TMCC3: variants seen among roughly 807,000 people sequenced by gnomAD.
TMCC3 encodes transmembrane and coiled-coil domain protein 3.
A neutral mutation model predicts 40.2 loss-of-function variants in TMCC3; 28 were observed. The ratio of observed to expected loss-of-function variants is 0.70; its 90% CI spans 0.52 to 0.95. The LOEUF (loss-of-function observed/expected upper bound fraction) is 0.95. Ranked by LOEUF, TMCC3 falls within the 40% of genes least tolerant of loss-of-function variation. TMCC3 has a pLI of 0.00. For synonymous variants in TMCC3, 255 were observed against 248.5 expected (o/e 1.03, Z -0.25); for missense variants, 554 against 615.2 (o/e 0.90, Z 1.05).
chr12:94,590,790 G>A (rs1221769299), intron 1 of TMCC3: 9 of 427,842 alleles, frequency 2.1e-5, no homozygotes, highest in Non-Finnish European at 4.1e-5. Flanking sequence ...GTGTTCTCAG[G>A]AGAGGCGGGA....
intron 1 of TMCC3, among the ~76,000 whole-genome samples, chr12:94,619,696 T>C (rs1344847311): frequency 5.9e-5 from 9 of 152,192 alleles, no homozygotes; most frequent in Non-Finnish European, 1.5e-5. Flanking sequence ...TATCTAAATA[T>C]GGTTATAGAG....
chr12:94,575,404 T>G (rs544950204), intron 3 of TMCC3, among the ~76,000 whole-genome samples: 104 of 152,264 alleles, frequency 6.8e-4, no homozygotes, highest in African/African-American at 2.4e-3. Flanking sequence ...CCTTTTGAGG[T>G]AGAGCTCATT....
At chr12:94,650,280 C>T in intron 1 of TMCC3, 73 bp downstream of exon 1, 1 of 1,027,932 alleles carries the variant, frequency 9.7e-7, no homozygotes, top group Non-Finnish European at 1.2e-6. Context: ...TGGGTTAGCA[C>T]TGAGCCGCCG....
rs1052276941 is a variant in TMCC3, at chr12:94,569,180, G to A, written c.*2255C>T. ...CTAACAGCAGCACTCAATCCCTGGT[G>A]TGTCCGAAGTGGTGCTTGGAAAGAT... On this transcript the variant is annotated 3_prime_UTR_variant, in exon 4 of 4. Transcript: ENST00000261226. The A allele has an allele frequency of 6.6e-6, 1 of 152,284 alleles. No individual in the cohort carries two copies. The highest frequency in any genetic ancestry group is 1.5e-5 in the Non-Finnish European group (1 of 68,100). The allele number at this position is 152,284 out of a possible 1,614,324, so 9.4% of individuals were successfully genotyped here.
chr12:94,599,098 G>T (rs1225527599), intron 1 of TMCC3, among the ~76,000 whole-genome samples: 1 of 152,192 alleles, frequency 6.6e-6, no homozygotes, highest in Non-Finnish European at 1.5e-5. Context: ...GTTCAGCACT[G>T]CCATGTGAAT....
At chr12:94,611,598 C>T (rs2068816123) in intron 1 of TMCC3, among the ~76,000 whole-genome samples, 1 of 152,090 alleles carries the variant, frequency 6.6e-6, no homozygotes, top group Non-Finnish European at 1.5e-5. Flanking sequence ...TCTAGGACCT[C>T]CTGCAGATAC....
At chr12:94,602,030 T>C (rs1390132644) in intron 1 of TMCC3, among the ~76,000 whole-genome samples, 1 of 152,194 alleles carries the variant, frequency 6.6e-6, no homozygotes, top group Non-Finnish European at 1.5e-5. Flanking sequence ...ATTTATTTCA[T>C]GACCATAATC....
In TMCC3 at chr12:94,621,138, G is replaced by A. The variant is rs556330048; in HGVS notation, c.78+29215C>T. On this transcript the variant is annotated intron_variant, in intron 1 of 3. Transcript: ENST00000261226. ...CCTAAAGTAACCATGCTTAGAAAACGCTGTGTTATCCAAAAGAAACACAGC... is the reference window on the plus strand; with the variant it reads ...CCTAAAGTAACCATGCTTAGAAAACACTGTGTTATCCAAAAGAAACACAGC... 7.9e-5 allele frequency among the ~76,000 whole-genome samples: 12 copies of A among 152,302 alleles called. No homozygotes were observed. In the East Asian group the frequency reaches 2.1e-3, roughly 27 times the overall value.
intron 1 of TMCC3, among the ~76,000 whole-genome samples, chr12:94,639,623 G>C (rs151220325): frequency 2.1e-3 from 309 of 146,872 alleles, no homozygotes; most frequent in African/African-American, 7.6e-3. Flanking sequence ...TACCTCATTT[G>C]GTATACAAGG....
intron 1 of TMCC3, among the ~76,000 whole-genome samples, chr12:94,625,010 C>G (rs2068895867): frequency 6.6e-6 from 1 of 151,554 alleles, no homozygotes; most frequent in African/African-American, 2.4e-5. Flanking sequence ...GGTGTGGTGA[C>G]ACACCCCTCC....
rs1277202697 is a variant in TMCC3 at position 94,642,725 on chromosome 12, T to C, written c.78+7628A>G. 2.6e-5 allele frequency among the ~76,000 whole-genome samples: 4 copies of C among 152,196 alleles called. No individual in the cohort carries two copies. The South Asian group carries it at 8.3e-4, about 31-fold the overall frequency. Reference sequence around the variant, plus strand: ...ACAGCTACACCACTGTTACATACTGTTATTATTCTTCCTCTCCCATCTGAA... The same window carrying C: ...ACAGCTACACCACTGTTACATACTGCTATTATTCTTCCTCTCCCATCTGAA... On this transcript the variant is annotated intron_variant, in intron 1 of 3. Coordinates refer to ENST00000261226, the MANE Select transcript of TMCC3 (RefSeq NM_020698.4).
rs142413791 is a variant in TMCC3 at position 94,619,098 on chromosome 12, C to G, written c.78+31255G>C. The stretch of plus-strand genomic sequence containing the variant: ...TGAGACGTAATCCTTTCCCTTTAAA[C>G]ATGACTTTGACATATGCATTACACA... On this transcript the variant is annotated intron_variant, in intron 1 of 3. Transcript: ENST00000261226. Among the ~76,000 whole-genome samples the G allele has an allele frequency of 2.0e-4, 30 of 152,292 alleles. No homozygotes were observed. In the East Asian group the frequency reaches 5.8e-3, roughly 29 times the overall value.
At chr12:94,592,367 C>A (rs1003177554) in intron 1 of TMCC3, among the ~76,000 whole-genome samples, 1 of 151,952 alleles carries the variant, frequency 6.6e-6, no homozygotes, top group African/African-American at 2.4e-5. Flanking sequence ...CGGCCGGGCG[C>A]AGTGGCTCAC....
intron 3 of TMCC3, among the ~76,000 whole-genome samples, chr12:94,576,589 C>A (rs766891182): frequency 4.6e-5 from 7 of 152,248 alleles, no homozygotes; most frequent in Admixed American, 3.3e-4. Context: ...CATCCTCCTA[C>A]CTCAGACTCC....
chr12:94,582,122 G>A lies in TMCC3; in HGVS notation c.495C>T (p.Arg165=). Residue 165 remains arginine, a synonymous_variant, in exon 2 of 4, where the codon CGC becomes CGT. Coordinates refer to ENST00000261226, the MANE Select transcript of TMCC3 (RefSeq NM_020698.4). ...ISKDHLKDIH[R]SLKDAHVKSR... ...ATTTCACGTGGGCATCTTTCAAAGA[G>A]CGATGTATATCCTTCAGGTGGTCTT... is the stretch of plus-strand genomic sequence containing the variant. 2 of 1,614,164 alleles carry A rather than the reference G, an allele frequency of 1.2e-6. No individual in the cohort carries two copies. Among genetic ancestry groups the A allele is most frequent in the Non-Finnish European group, 1.7e-6 (2 of 1,180,038 alleles).
Position 94,568,078 on chromosome 12 carries a change from A to G in TMCC3, c.*3357T>C, listed in dbSNP as rs2138808522. The G allele has an allele frequency of 6.6e-6, 1 of 152,322 alleles. No homozygotes were observed. Among genetic ancestry groups the G allele is most frequent in the South Asian group, 2.1e-4 (1 of 4,828 alleles). The allele number at this position is 152,322 out of a possible 1,614,324, so 9.4% of individuals were successfully genotyped here. A position where few individuals can be genotyped will look rare whatever the true frequency, so the allele number is the denominator to read the frequency against. ...TGAATGCTAATTGACAGAGAAGGATAACAGCCTCACCGGCTGAAATGAAAG... is the reference window on the plus strand; with the variant it reads ...TGAATGCTAATTGACAGAGAAGGATGACAGCCTCACCGGCTGAAATGAAAG... On this transcript the variant is annotated 3_prime_UTR_variant, in exon 4 of 4. Coordinates refer to ENST00000261226, the MANE Select transcript of TMCC3 (RefSeq NM_020698.4).
At position 94,571,172 on chromosome 12, in the gene TMCC3, G is replaced by T; in HGVS notation, c.*263C>A. 2.0e-6 allele frequency: 1 copy of T among 488,888 alleles called. No individual in the cohort carries two copies. The highest frequency in any genetic ancestry group is 3.7e-6 in the Non-Finnish European group (1 of 270,816). 30.3% of individuals were successfully genotyped at this position (488,888 alleles called of 1,614,324 possible). A position where few individuals can be genotyped will look rare whatever the true frequency, so the allele number is the denominator to read the frequency against. On this transcript the variant is annotated 3_prime_UTR_variant, in exon 4 of 4. Coordinates refer to ENST00000261226, the MANE Select transcript of TMCC3 (RefSeq NM_020698.4). ...AATATACAGAGGTTTACCACGCTGG[G>T]CTGGTCAGGTGGGCAGGAAATCGGT...
At chr12:94,646,241 T>C (rs2069017334) in intron 1 of TMCC3, among the ~76,000 whole-genome samples, 1 of 152,056 alleles carries the variant, frequency 6.6e-6, no homozygotes, top group African/African-American at 2.4e-5. Flanking sequence ...TGCGGTGGTA[T>C]TGCTAATAGG....
chr12:94,629,066 T>A lies in TMCC3; in HGVS notation c.78+21287A>T, dbSNP rs2068918477. On this transcript the variant is annotated intron_variant, in intron 1 of 3. Transcript: ENST00000261226. ...CCTCTTCTGCAGCATCCTTCTTCCA[T>A]CTGAGTCAAATCAAAGAACCTAGCT... Among the ~76,000 whole-genome samples the A allele has an allele frequency of 2.0e-5, 3 of 152,322 alleles. No homozygotes were observed. The South Asian group carries it at 6.2e-4, about 32-fold the overall frequency.
Sources: allele counts gnomAD v4.1 joint callset (sites outside exome capture counted in the v4.1 genomes callset), GRCh38; gene constraint gnomAD v4.1.1; transcripts MANE v1.5; gene names NCBI Gene and HGNC (gene_info 2026-07-23, HGNC 2026-07-21).